Variants in CDH12 observed in about 807,000 individuals in gnomAD.
CDH12 encodes cadherin 12.
Under a neutral mutation model 74.1 loss-of-function variants are expected in CDH12, and 41 were observed. The ratio of observed to expected loss-of-function variants is 0.55; its 90% CI spans 0.43 to 0.72. The LOEUF (loss-of-function observed/expected upper bound fraction) is 0.72, where lower values mean the gene tolerates loss of function less well. Among genes scored for constraint, CDH12 ranks in the 30% least tolerant of loss-of-function variants. CDH12 has a pLI of 0.00. For synonymous variants in CDH12, 399 were observed against 355.0 expected (o/e 1.12, Z -1.39); for missense variants, 945 against 977.2 (o/e 0.97, Z 0.44).
chr5:22,194,666 C>T (rs1750522401), intron 4 of CDH12, among the ~76,000 whole-genome samples: 3 of 152,096 alleles, frequency 2.0e-5, no homozygotes, highest in Non-Finnish European at 4.4e-5. Context: ...ATGAAAAAAA[C>T]TTGCCACTTG....
At chr5:22,614,169 C>T (rs771179645) in intron 1 of CDH12, among the ~76,000 whole-genome samples, 14 of 152,060 alleles carry the variant, frequency 9.2e-5, no homozygotes, top group Non-Finnish European at 1.6e-4. Context: ...ATGTATTTGA[C>T]GCACATTTAT....
chr5:22,554,986 T>C (rs1208822069), intron 1 of CDH12, among the ~76,000 whole-genome samples: 1 of 152,014 alleles, frequency 6.6e-6, no homozygotes, highest in Non-Finnish European at 1.5e-5. Context: ...ATGAAGAAAA[T>C]AAAAACAGTT....
At chr5:22,475,355 A>G (rs1746124667) in intron 2 of CDH12, among the ~76,000 whole-genome samples, 2 of 152,026 alleles carry the variant, frequency 1.3e-5, no homozygotes, top group South Asian at 4.1e-4. Context: ...AGAAAAAATA[A>G]CTAACCGATT....
intron 1 of CDH12, among the ~76,000 whole-genome samples, chr5:22,731,832 A>G (rs1274743178): frequency 6.6e-6 from 1 of 151,850 alleles, no homozygotes; most frequent in Non-Finnish European, 1.5e-5. Flanking sequence ...AAACTATGGC[A>G]TGACTTAGCT....
intron 1 of CDH12, among the ~76,000 whole-genome samples, chr5:22,585,667 T>C (rs1189005403): frequency 6.6e-6 from 1 of 152,202 alleles, no homozygotes; most frequent in African/African-American, 2.4e-5. Flanking sequence ...ACCAACTGTC[T>C]TGTCAATCAG....
intron 3 of CDH12, among the ~76,000 whole-genome samples, chr5:22,316,425 T>C (rs78963029): frequency 2.4e-3 from 359 of 152,242 alleles, no homozygotes; most frequent in Middle Eastern, 6.8e-3. Flanking sequence ...TATCACACAA[T>C]CACTCAGTTC....
intron 5 of CDH12, among the ~76,000 whole-genome samples, chr5:22,040,142 T>C (rs1739468676): frequency 1.3e-5 from 2 of 151,508 alleles, no homozygotes; most frequent in South Asian, 4.2e-4. Flanking sequence ...AACATAAATC[T>C]TGAAGCTAAT....
intron 5 of CDH12, among the ~76,000 whole-genome samples, chr5:22,025,135 G>T (rs1417633030): frequency 6.6e-6 from 1 of 151,982 alleles, no homozygotes; most frequent in Non-Finnish European, 1.5e-5. Flanking sequence ...ATTCAGATTA[G>T]AATCAGAATT....
intron 2 of CDH12, among the ~76,000 whole-genome samples, chr5:22,476,649 A>G (rs956507050): frequency 6.6e-6 from 1 of 152,164 alleles, no homozygotes; most frequent in African/African-American, 2.4e-5. Context: ...TGTAACCAAT[A>G]TATTTATTTG....
At chr5:22,086,318 T>G (rs2150233033) in intron 4 of CDH12, among the ~76,000 whole-genome samples, 1 of 151,586 alleles carries the variant, frequency 6.6e-6, no homozygotes, top group Non-Finnish European at 1.5e-5. Context: ...ATTTGAATTT[T>G]ATTTATATAT....
chr5:22,438,943 T>C (rs1744514278), intron 2 of CDH12, among the ~76,000 whole-genome samples: 1 of 151,884 alleles, frequency 6.6e-6, no homozygotes, highest in Non-Finnish European at 1.5e-5. Context: ...AAAATGACAA[T>C]GGGCCTCTAA....
chr5:22,030,531 T>A (rs989805692), intron 5 of CDH12, among the ~76,000 whole-genome samples: 11 of 152,220 alleles, frequency 7.2e-5, no homozygotes, highest in African/African-American at 2.4e-4. Context: ...TGTAAGCAGA[T>A]GTGCTGTCAT....
chr5:21,960,682 A>G (rs1756316673), intron 6 of CDH12, among the ~76,000 whole-genome samples: 1 of 152,146 alleles, frequency 6.6e-6, no homozygotes, highest in African/African-American at 2.4e-5. Context: ...CACTGCCAGT[A>G]TATATACAAA....
intron 3 of CDH12, among the ~76,000 whole-genome samples, chr5:22,267,768 T>C (rs1736197688): frequency 6.6e-6 from 1 of 152,028 alleles, no homozygotes; most frequent in Admixed American, 6.6e-5. Context: ...AAGTGAAGGC[T>C]TTTCCCTCTC....
chr5:22,023,146 C>T (rs1374596912), intron 5 of CDH12, among the ~76,000 whole-genome samples: 3 of 152,106 alleles, frequency 2.0e-5, no homozygotes, highest in African/African-American at 7.2e-5. Flanking sequence ...TCTTGTTCCA[C>T]TCTCCCATGC....
chr5:22,745,562 A>G (rs1380158185), intron 1 of CDH12, among the ~76,000 whole-genome samples: 2 of 152,196 alleles, frequency 1.3e-5, no homozygotes, highest in Non-Finnish European at 2.9e-5. Flanking sequence ...TGTGGCACAT[A>G]TACACTATAG....
intron 8 of CDH12, among the ~76,000 whole-genome samples, chr5:21,835,660 C>A (rs1749490198): frequency 6.6e-6 from 1 of 151,416 alleles, no homozygotes; most frequent in South Asian, 2.1e-4. Flanking sequence ...ACTTTGTGGC[C>A]ACATCAAGAT....
chr5:22,446,006 T>C (rs1744802711), intron 2 of CDH12, among the ~76,000 whole-genome samples: 1 of 152,154 alleles, frequency 6.6e-6, no homozygotes, highest in South Asian at 2.1e-4. Context: ...GATCCATCTG[T>C]ATCTCAAGGT....
chr5:22,661,684 A>G (rs2126898706), intron 1 of CDH12, among the ~76,000 whole-genome samples: 1 of 152,264 alleles, frequency 6.6e-6, no homozygotes, highest in South Asian at 2.1e-4. Flanking sequence ...TGTTAAATAA[A>G]TTTCAGAAAT....
Sources: gnomAD v4.1 joint callset for allele counts (sites outside exome capture counted in the v4.1 genomes callset) on GRCh38, gnomAD v4.1.1 for gene constraint, MANE v1.5 for transcripts, NCBI Gene and HGNC (gene_info 2026-07-23, HGNC 2026-07-21) for gene names.